The following RSPO3 variants were observed in gnomAD, a reference collection of about 807,000 sequenced individuals.
RSPO3 encodes the protein R-spondin 3.
In RSPO3, 17 loss-of-function variants were observed where a neutral mutation model predicts 36.5. The observed-to-expected ratio is 0.47, with a 90% CI of 0.32 to 0.70. The LOEUF is 0.70. Among genes scored for constraint, RSPO3 ranks in the 30% least tolerant of loss-of-function variants. The pLI, the probability that RSPO3 is intolerant of heterozygous loss-of-function variation, is 0.04. For missense variants in RSPO3, 294 were observed against 322.5 expected, an observed-to-expected ratio of 0.91 and a Z score of 0.68; for synonymous variants, 108 against 107.0, an observed-to-expected ratio of 1.01 and a Z score of -0.06.
chr6:127,160,624 T>A (rs1005144946), intron 4 of RSPO3, among the ~76,000 whole-genome samples: 1 of 152,236 alleles, frequency 6.6e-6, no homozygotes, highest in Admixed American at 6.5e-5. Context: ...CAGAAATTTC[T>A]AGGAGAAGGG....
At position 127,198,167 on chromosome 6, in the gene RSPO3, A is replaced by G. The variant is rs542763914; in HGVS notation, c.*2160A>G. Among the ~76,000 whole-genome samples the G allele has an allele frequency of 4.6e-5, 7 of 152,360 alleles. No homozygotes were observed. Among genetic ancestry groups the G allele is most frequent in the African/African-American group, 1.7e-4 (7 of 41,592 alleles). On this transcript the variant is annotated 3_prime_UTR_variant, in exon 5 of 5. Coordinates refer to ENST00000356698, the MANE Select transcript of RSPO3 (RefSeq NM_032784.5). ...TGGCAAATGACTATCAGGTCTTCCC[A>G]TGTGTTTGACTCAAACTTATTACCC...
chr6:127,159,520 A>C (rs2114599134), intron 4 of RSPO3, among the ~76,000 whole-genome samples: 1 of 152,292 alleles, frequency 6.6e-6, no homozygotes. Flanking sequence ...GGGAAGAAAC[A>C]AATGTGGGAA....
At position 127,158,888 on chromosome 6, in the gene RSPO3, A is replaced by G. The variant is rs570919171; in HGVS notation, c.634+3450A>G. 1.1e-3 allele frequency among the ~76,000 whole-genome samples: 163 copies of G among 152,282 alleles called. 1 individual carries two copies. In the South Asian group the frequency reaches 0.017, roughly 15 times the overall value. ...TTAGTAAGAGGTCATTACCAATACA[A>G]TTCTTTCTAGCTTGAACTTAATTGA... On this transcript the variant is annotated intron_variant, in intron 4 of 4. Transcript: ENST00000356698.
chr6:127,148,569 C>T (rs2114581032), intron 1 of RSPO3, 79 bp from the exon 2 acceptor site: 1 of 1,189,860 alleles, frequency 8.4e-7, no homozygotes, highest in South Asian at 1.8e-5. Flanking sequence ...TGAAAGAGAA[C>T]ATATATCCTG....
chr6:127,184,147 G>A lies in RSPO3; in HGVS notation c.635-11676G>A, dbSNP rs550122388. 1.8e-4 allele frequency among the ~76,000 whole-genome samples: 27 copies of A among 151,986 alleles called. 1 individual carries two copies. In the South Asian group the frequency reaches 5.2e-3, roughly 29 times the overall value. ...GGGATTATAGGAACTATAATTCAAG[G>A]TAAGATTTGGGTAGGGAAGCAGGCA... is the stretch of plus-strand genomic sequence containing the variant. On this transcript the variant is annotated intron_variant, in intron 4 of 4. Transcript: ENST00000356698.
chr6:127,150,354 G>A, intron 2 of RSPO3, 72 bp from the exon 3 acceptor site: 1 of 1,432,468 alleles, frequency 7.0e-7, no homozygotes, highest in Non-Finnish European at 9.5e-7. Context: ...GGCTGTGTCT[G>A]ACACATGTAG....
chr6:127,185,510 T>C (rs1336905966), intron 4 of RSPO3, among the ~76,000 whole-genome samples: 1 of 152,094 alleles, frequency 6.6e-6, no homozygotes, highest in Non-Finnish European at 1.5e-5. Flanking sequence ...TATTTGAAGA[T>C]GCATGAAAAT....
At chr6:127,145,298 T>C (rs1473766329) in intron 1 of RSPO3, among the ~76,000 whole-genome samples, 1 of 152,144 alleles carries the variant, frequency 6.6e-6, no homozygotes, top group Non-Finnish European at 1.5e-5. Context: ...TACATTATAT[T>C]GCCTCTGCCG....
intron 4 of RSPO3, among the ~76,000 whole-genome samples, chr6:127,179,895 C>T (rs552710518): frequency 6.6e-6 from 1 of 151,966 alleles, no homozygotes; most frequent in South Asian, 2.1e-4. Flanking sequence ...TCTTCTGCCT[C>T]TTCTTCCACT....
At chr6:127,144,873 T>C (rs536814058) in intron 1 of RSPO3, among the ~76,000 whole-genome samples, 1 of 152,044 alleles carries the variant, frequency 6.6e-6, no homozygotes, top group Admixed American at 6.6e-5. Flanking sequence ...CAGCCCACCT[T>C]GGCCTCCCAA....
intron 1 of RSPO3, among the ~76,000 whole-genome samples, chr6:127,138,198 C>T (rs1465320283): frequency 2.0e-5 from 3 of 151,814 alleles, no homozygotes; most frequent in Non-Finnish European, 2.9e-5. Flanking sequence ...ATCTTTAGAC[C>T]TTTGGTTTCT....
At chr6:127,123,491 T>G (rs893089854) in intron 1 of RSPO3, among the ~76,000 whole-genome samples, 1 of 152,128 alleles carries the variant, frequency 6.6e-6, no homozygotes, top group South Asian at 2.1e-4. Flanking sequence ...TGGCAACATC[T>G]AAATGCAAGG....
chr6:127,172,230 T>C (rs942910072), intron 4 of RSPO3, among the ~76,000 whole-genome samples: 17 of 118,288 alleles, frequency 1.4e-4, no homozygotes, highest in Non-Finnish European at 2.3e-4. Flanking sequence ...ATATATAATA[T>C]ATACACAAAC....
intron 1 of RSPO3, among the ~76,000 whole-genome samples, chr6:127,128,918 G>C (rs1222356892): frequency 1.3e-5 from 2 of 152,078 alleles, no homozygotes; most frequent in African/African-American, 4.8e-5. Flanking sequence ...TGTGGAGGGA[G>C]TATAAATAGG....
At chr6:127,192,726 C>T in intron 4 of RSPO3, 6 of 974,878 alleles carry the variant, frequency 6.2e-6, no homozygotes, top group Non-Finnish European at 6.1e-6. Context: ...TGCGTGTACA[C>T]ATGCACACAA....
At chr6:127,190,149 C>G (rs913641641) in intron 4 of RSPO3, among the ~76,000 whole-genome samples, 1 of 152,146 alleles carries the variant, frequency 6.6e-6, no homozygotes, top group Non-Finnish European at 1.5e-5. Flanking sequence ...ACAGGCCGGG[C>G]ACAGTGGCTC....
intron 1 of RSPO3, among the ~76,000 whole-genome samples, chr6:127,127,460 T>C (rs952309705): frequency 3.9e-5 from 6 of 152,174 alleles, no homozygotes; most frequent in African/African-American, 7.2e-5. Context: ...GTACATCTTA[T>C]CTAAATATGC....
At chr6:127,170,757 C>T (rs1279313483) in intron 4 of RSPO3, among the ~76,000 whole-genome samples, 2 of 151,644 alleles carry the variant, frequency 1.3e-5, no homozygotes, top group Non-Finnish European at 2.9e-5. Context: ...AGACTTTATA[C>T]TAAGTAACTT....
At position 127,197,597 on chromosome 6, in the gene RSPO3, C is replaced by G. The variant is rs1301210515; in HGVS notation, c.*1590C>G. On this transcript the variant is annotated 3_prime_UTR_variant, in exon 5 of 5. Transcript: ENST00000356698. ...CTGCTCTGTCCACTGTGATTCCTAG[C>G]CCTCTCAAGATCACTGCTTTCTGAA... 2.0e-6 allele frequency: 3 copies of G among 1,503,648 alleles called. No individual in the cohort carries two copies. Among genetic ancestry groups the G allele is most frequent in the African/African-American group, 2.8e-5 (2 of 72,060 alleles). 93.1% of individuals were successfully genotyped at this position (1,503,648 alleles called of 1,614,324 possible).
Sources: gnomAD v4.1 joint callset for allele counts (sites outside exome capture counted in the v4.1 genomes callset) on GRCh38, gnomAD v4.1.1 for gene constraint, MANE v1.5 for transcripts, NCBI Gene and HGNC (gene_info 2026-07-23, HGNC 2026-07-21) for gene names.